CNTNAP2: variants seen among roughly 807,000 people sequenced by gnomAD.
CNTNAP2 encodes the protein contactin-associated protein-like 2.
A neutral mutation model predicts 155.2 loss-of-function variants in CNTNAP2; 98 were observed. The ratio of observed to expected loss-of-function variants is 0.63; its 90% CI spans 0.54 to 0.75. The LOEUF is 0.75. Among genes scored for constraint, CNTNAP2 ranks in the 30% least tolerant of loss-of-function variants. CNTNAP2 has a pLI of 0.00. For synonymous variants in CNTNAP2, 651 were observed against 631.2 expected, an observed-to-expected ratio of 1.03 and a Z score of -0.47; for missense variants, 1,727 against 1,688.1, an observed-to-expected ratio of 1.02 and a Z score of -0.40.
At chr7:147,545,134 A>G (rs1475195518) in intron 11 of CNTNAP2, among the ~76,000 whole-genome samples, 3 of 152,134 alleles carry the variant, frequency 2.0e-5, no homozygotes, top group Non-Finnish European at 4.4e-5. Flanking sequence ...TGAATTTATT[A>G]TTACTGGATT....
At chr7:147,576,373 C>T (rs1228471516) in intron 12 of CNTNAP2, among the ~76,000 whole-genome samples, 1 of 152,010 alleles carries the variant, frequency 6.6e-6, no homozygotes. Context: ...TAGCAATATG[C>T]TAAAAAAATC....
chr7:146,866,151 T>C (rs1795200613), intron 3 of CNTNAP2, among the ~76,000 whole-genome samples: 1 of 152,106 alleles, frequency 6.6e-6, no homozygotes, highest in African/African-American at 2.4e-5. Flanking sequence ...ATCTGCCTGT[T>C]TTACTTTTTG....
chr7:147,094,665 G>A (rs566267312), intron 4 of CNTNAP2, among the ~76,000 whole-genome samples: 2 of 151,660 alleles, frequency 1.3e-5, no homozygotes, highest in Non-Finnish European at 1.5e-5. Flanking sequence ...CTCGGCCTCC[G>A]AAAGTGCTGG....
chr7:147,647,162 T>TC (rs912226011), intron 13 of CNTNAP2, among the ~76,000 whole-genome samples: 1 of 151,240 alleles, frequency 6.6e-6, no homozygotes, highest in Non-Finnish European at 1.5e-5. Context: ...TAATTTTTTT[T>TC]CTTTTTTTTT....
intron 21 of CNTNAP2, among the ~76,000 whole-genome samples, chr7:148,272,219 G>A (rs1432991309): frequency 6.6e-6 from 1 of 152,142 alleles, no homozygotes; most frequent in East Asian, 1.9e-4. Context: ...CTTCTAGAAG[G>A]AATTCAGAAT....
rs544393260 is a variant in CNTNAP2 at position 146,629,552 on chromosome 7, C to T, written c.98-144719C>T. Among the ~76,000 whole-genome samples the T allele has an allele frequency of 1.2e-4, 18 of 152,100 alleles. No homozygotes were observed. In the East Asian group the frequency reaches 2.7e-3, roughly 23 times the overall value. On this transcript the variant is annotated intron_variant, in intron 1 of 23. Transcript: ENST00000361727. ...CTTCTAAATAACAGAATATTTTATA[C>T]CAAGGAATTATGGCATATGATTTCC...
chr7:146,446,597 A>G (rs1639464), intron 1 of CNTNAP2, among the ~76,000 whole-genome samples: 5,423 of 152,162 alleles, frequency 0.036, 346 homozygotes, highest in African/African-American at 0.12. Flanking sequence ...AAAAAACAAA[A>G]CAAAACATGT....
intron 1 of CNTNAP2, among the ~76,000 whole-genome samples, chr7:146,422,411 T>C (rs1199141124): frequency 3.3e-5 from 5 of 151,174 alleles, no homozygotes; most frequent in African/African-American, 7.3e-5. Context: ...GTGGTCTTTA[T>C]TTTCTACCTT....
At chr7:146,396,718 T>C (rs1175313059) in intron 1 of CNTNAP2, among the ~76,000 whole-genome samples, 1 of 150,568 alleles carries the variant, frequency 6.6e-6, no homozygotes, top group Admixed American at 6.7e-5. Flanking sequence ...CATATATATA[T>C]GTGTATATAT....
chr7:148,060,867 A>C (rs1007149573), intron 15 of CNTNAP2, among the ~76,000 whole-genome samples: 3 of 152,204 alleles, frequency 2.0e-5, no homozygotes, highest in Non-Finnish European at 4.4e-5. Flanking sequence ...ACCAGGCTTG[A>C]GCACCAAAGG....
chr7:146,770,961 A>C (rs1802284257), intron 1 of CNTNAP2, among the ~76,000 whole-genome samples: 1 of 152,138 alleles, frequency 6.6e-6, no homozygotes, highest in African/African-American at 2.4e-5. Context: ...GCAGGTATGG[A>C]CTAGAAAAAT....
At chr7:147,306,881 A>G (rs1795039179) in intron 9 of CNTNAP2, among the ~76,000 whole-genome samples, 3 of 152,222 alleles carry the variant, frequency 2.0e-5, no homozygotes, top group Admixed American at 6.5e-5. Context: ...CTTTACTTGT[A>G]GATAGTAATA....
intron 1 of CNTNAP2, among the ~76,000 whole-genome samples, chr7:146,481,321 G>T (rs1796957642): frequency 6.6e-6 from 1 of 152,158 alleles, no homozygotes; most frequent in East Asian, 1.9e-4. Flanking sequence ...GTGCATACAG[G>T]ATATATTTTC....
chr7:148,351,718 G>C (rs1038576482), intron 21 of CNTNAP2, among the ~76,000 whole-genome samples: 6 of 126,674 alleles, frequency 4.7e-5, no homozygotes, highest in African/African-American at 1.9e-4. Context: ...ACTCCAGCCT[G>C]GGCAACAGAG....
intron 11 of CNTNAP2, among the ~76,000 whole-genome samples, chr7:147,542,318 CA>C (rs201153799): frequency 4.0e-5 from 6 of 148,714 alleles, no homozygotes; most frequent in Admixed American, 6.7e-5. Flanking sequence ...AAAAAAGCTC[CA>C]AAAAAAAAGC....
chr7:147,708,214 G>A (rs904053863), intron 13 of CNTNAP2, among the ~76,000 whole-genome samples: 1 of 152,168 alleles, frequency 6.6e-6, no homozygotes. Flanking sequence ...GCTTGACCCT[G>A]GGAACAGCAG....
At chr7:148,364,423 C>T (rs1030231785) in intron 21 of CNTNAP2, among the ~76,000 whole-genome samples, 9 of 152,178 alleles carry the variant, frequency 5.9e-5, no homozygotes, top group African/African-American at 2.2e-4. Context: ...AATCGACACT[C>T]TGTATCTAGC....
At chr7:147,040,379 T>C (rs367769763) in intron 3 of CNTNAP2, among the ~76,000 whole-genome samples, 32 of 151,974 alleles carry the variant, frequency 2.1e-4, no homozygotes, top group African/African-American at 7.5e-4. Flanking sequence ...CTGAGTCTCA[T>C]TGAGTTAGGT....
intron 1 of CNTNAP2, among the ~76,000 whole-genome samples, chr7:146,595,488 C>A (rs1246767453): frequency 6.6e-6 from 1 of 152,036 alleles, no homozygotes; most frequent in Non-Finnish European, 1.5e-5. Flanking sequence ...CTTATACCTC[C>A]AGTGGCCCAC....
Sources: gnomAD v4.1 joint callset for allele counts (sites outside exome capture counted in the v4.1 genomes callset) on GRCh38, gnomAD v4.1.1 for gene constraint, MANE v1.5 for transcripts, NCBI Gene and HGNC (gene_info 2026-07-23, HGNC 2026-07-21) for gene names.